The following VCAN variants were observed in gnomAD, a reference collection of about 807,000 sequenced individuals.
VCAN encodes the protein versican, also known as versican core protein.
Under a neutral mutation model 245.5 loss-of-function variants are expected in VCAN, and 44 were observed. The observed-to-expected ratio is 0.18, with a 90% CI of 0.14 to 0.23. VCAN has a LOEUF of 0.23. Among genes scored for constraint, VCAN ranks in the 10% least tolerant of loss-of-function variants. VCAN has a pLI of 1.00. For missense variants in VCAN, 3,793 were observed against 4,057.9 expected (o/e 0.93, Z 1.77); for synonymous variants, 1,413 against 1,437.0 (o/e 0.98, Z 0.38).
At chr5:83,512,670 T>C (rs1002036786) in intron 6 of VCAN, 2 of 343,084 alleles carry the variant, frequency 5.8e-6, no homozygotes, top group South Asian at 1.3e-4. Flanking sequence ...AGAGCATTTT[T>C]CTAAGTATTT....
At chr5:83,552,601 G>T (rs1446156165) in intron 10 of VCAN, among the ~76,000 whole-genome samples, 1 of 152,002 alleles carries the variant, frequency 6.6e-6, no homozygotes, top group African/African-American at 2.4e-5. Flanking sequence ...AAATATTATT[G>T]TCCCACTGGA....
rs139909266 is a variant in VCAN at position 83,539,537 on chromosome 5, T to C, written c.6534T>C (p.Val2178=). The change falls in exon 8 of 15, where the codon GTT becomes GTC. Residue 2178 remains valine, a synonymous_variant. Transcript: ENST00000265077. ...TGAAGGAGGAAGACACTTCTTTAGT[T>C]AACATGTCTACTCCAGATCCAGATG... ...KEMKEEDTSL[V]NMSTPDPDAN... 8.5e-5 allele frequency: 137 copies of C among 1,613,952 alleles called. No individual in the cohort carries two copies. Among genetic ancestry groups the C allele is most frequent in the Non-Finnish European group, 1.1e-4 (132 of 1,179,998 alleles).
intron 9 of VCAN, 139 bp downstream of exon 9, chr5:83,545,789 G>A: frequency 1.3e-6 from 1 of 773,140 alleles, no homozygotes; most frequent in Middle Eastern, 3.1e-4. Flanking sequence ...GTTAAAATCT[G>A]AGGGTAATTA....
intron 5 of VCAN, among the ~76,000 whole-genome samples, chr5:83,507,545 C>G (rs1287583947): frequency 6.6e-6 from 1 of 152,222 alleles, no homozygotes; most frequent in African/African-American, 2.4e-5. Flanking sequence ...TGAGAGAGAG[C>G]AACTAAGCAA....
intron 5 of VCAN, among the ~76,000 whole-genome samples, chr5:83,500,459 G>A (rs564224427): frequency 6.6e-6 from 1 of 152,180 alleles, no homozygotes; most frequent in African/African-American, 2.4e-5. Context: ...ATACAGTGTA[G>A]TGACTCCAGT....
intron 1 of VCAN, among the ~76,000 whole-genome samples, chr5:83,472,428 G>A (rs1370653370): frequency 6.6e-6 from 1 of 152,172 alleles, no homozygotes; most frequent in Non-Finnish European, 1.5e-5. Context: ...CGAGGCAAAA[G>A]TTTGAATGGG....
chr5:83,530,405 C>A (rs371605657), intron 7 of VCAN, among the ~76,000 whole-genome samples: 1 of 151,992 alleles, frequency 6.6e-6, no homozygotes, highest in Admixed American at 6.6e-5. Flanking sequence ...GCTCTTAGAT[C>A]GTTCATTTGT....
intron 12 of VCAN, among the ~76,000 whole-genome samples, chr5:83,564,303 A>G (rs569818476): frequency 7.1e-4 from 108 of 152,146 alleles, no homozygotes; most frequent in African/African-American, 2.5e-3. Flanking sequence ...AAGAATGGAT[A>G]TATATCACCA....
rs1268296326 is a variant in VCAN, at chr5:83,539,523, G to T, written c.6520G>T (p.Asp2174Tyr). 1 of 1,613,948 alleles carries T rather than the reference G, an allele frequency of 6.2e-7. No homozygotes were observed. Among genetic ancestry groups the T allele is most frequent in the East Asian group, 2.2e-5 (1 of 44,844 alleles). ...YSDDKEMKEEDTSLVNMSTPD... is the reference protein window; with the variant it reads ...YSDDKEMKEEYTSLVNMSTPD... The stretch of plus-strand genomic sequence containing the variant: ...TGATGATAAAGAAATGAAGGAGGAA[G>T]ACACTTCTTTAGTTAACATGTCTAC... Residue 2174 changes from aspartate (D) to tyrosine (Y), a missense_variant, in exon 8 of 15, where the codon GAC (aspartate) becomes TAC (tyrosine). Physicochemically the swap from Asp to Tyr is radical, Grantham distance 160. Transcript: ENST00000265077.
At chr5:83,533,676 C>T (rs1199199807) in intron 7 of VCAN, among the ~76,000 whole-genome samples, 1 of 152,070 alleles carries the variant, frequency 6.6e-6, no homozygotes, top group Non-Finnish European at 1.5e-5. Flanking sequence ...CTCTGAAATG[C>T]TTATACTGCT....
At chr5:83,518,483 A>G (rs577947200) in intron 6 of VCAN, among the ~76,000 whole-genome samples, 1 of 152,334 alleles carries the variant, frequency 6.6e-6, no homozygotes, top group East Asian at 1.9e-4. Flanking sequence ...TTACAGACCT[A>G]AAATACATTA....
At chr5:83,473,336 C>G (rs887040816) in intron 1 of VCAN, among the ~76,000 whole-genome samples, 6 of 152,154 alleles carry the variant, frequency 3.9e-5, no homozygotes, top group Non-Finnish European at 8.8e-5. Context: ...AACTGCGTCT[C>G]GGCAAGTCCT....
chr5:83,489,982 T>C, intron 2 of VCAN, 116 bp from the exon 3 acceptor site: 1 of 1,024,592 alleles, frequency 9.8e-7, no homozygotes, highest in Non-Finnish European at 1.5e-6. Flanking sequence ...TCTAATTATG[T>C]CACATGTTGA....
At chr5:83,514,250 T>C (rs1305158395) in intron 6 of VCAN, among the ~76,000 whole-genome samples, 1 of 150,974 alleles carries the variant, frequency 6.6e-6, no homozygotes, top group Non-Finnish European at 1.5e-5. Flanking sequence ...CCTTCCCACC[T>C]AAGCATGTGG....
chr5:83,511,697 T>C (rs1303436126), intron 5 of VCAN, among the ~76,000 whole-genome samples: 1 of 152,158 alleles, frequency 6.6e-6, no homozygotes. Flanking sequence ...GGCAGTTCAA[T>C]GCAAGGTTTC....
intron 5 of VCAN, among the ~76,000 whole-genome samples, chr5:83,507,412 C>T (rs1182093979): frequency 2.6e-5 from 4 of 152,224 alleles, no homozygotes; most frequent in Non-Finnish European, 5.9e-5. Flanking sequence ...CTGTCTAACT[C>T]TAAAGGTTGT....
rs1431839029 is a variant in VCAN, at chr5:83,520,067, A to G, written c.1761A>G (p.Glu587=). The change falls in exon 7 of 15, where the codon GAA becomes GAG. Residue 587 remains glutamate (E), a synonymous_variant. Transcript: ENST00000265077. The stretch of plus-strand genomic sequence containing the variant: ...TCATTACGGTGTCAAAGACTTCAGA[A>G]GACACCATCCACACTCATTTAGAAG... ...PEVITVSKTS[E]DTIHTHLEDL... The G allele has an allele frequency of 1.1e-5, 18 of 1,613,994 alleles. No homozygotes were observed. Among genetic ancestry groups the G allele is most frequent in the Non-Finnish European group, 1.2e-5 (14 of 1,179,992 alleles).
Position 83,568,855 on chromosome 5 carries a change from G to A in VCAN, c.9736-3561G>A, listed in dbSNP as rs560783951. 4.6e-5 allele frequency among the ~76,000 whole-genome samples: 7 copies of A among 152,102 alleles called. No individual in the cohort carries two copies. In the South Asian group the frequency reaches 6.2e-4, roughly 14 times the overall value. ...TATCACTCAGACATAAACTCTGGAA[G>A]ATTTTATTGCATTTGCTTTTGGTCT... On this transcript the variant is annotated intron_variant, in intron 12 of 14. Transcript: ENST00000265077.
chr5:83,509,536 A>G (rs183439830), intron 5 of VCAN, among the ~76,000 whole-genome samples: 67 of 152,342 alleles, frequency 4.4e-4, no homozygotes, highest in African/African-American at 1.3e-3. Context: ...GTTTTACTCA[A>G]TTAATTATAT....
Sources: allele counts gnomAD v4.1 joint callset (sites outside exome capture counted in the v4.1 genomes callset), GRCh38; gene constraint gnomAD v4.1.1; transcripts MANE v1.5; gene names NCBI Gene and HGNC (gene_info 2026-07-23, HGNC 2026-07-21).